The following CSGALNACT1 variants were observed in gnomAD, a reference collection of about 807,000 sequenced individuals.
CSGALNACT1 encodes the protein chondroitin sulfate N-acetylgalactosaminyltransferase 1.
A neutral mutation model predicts 51.0 loss-of-function variants in CSGALNACT1; 52 were observed. The observed-to-expected ratio is 1.02, with a 90% confidence interval of 0.82 to 1.29. CSGALNACT1 has a LOEUF of 1.29. Ranked by LOEUF, CSGALNACT1 falls within the 50% of genes most tolerant of loss-of-function variation. The probability of loss-of-function intolerance (pLI) is 0.00; values close to 1 mark genes in which losing one functional copy is unlikely to be tolerated. For missense variants in CSGALNACT1, 935 were observed against 679.2 expected, an observed-to-expected ratio of 1.38 and a Z score of -4.19; for synonymous variants, 341 against 254.4, an observed-to-expected ratio of 1.34 and a Z score of -3.24.
intron 1 of CSGALNACT1, among the ~76,000 whole-genome samples, chr8:19,716,003 C>T (rs1460107873): frequency 1.3e-5 from 2 of 152,162 alleles, no homozygotes; most frequent in Non-Finnish European, 2.9e-5. Context: ...GCTTGTCAGC[C>T]TTGTAGTAGG....
intron 1 of CSGALNACT1, among the ~76,000 whole-genome samples, chr8:19,630,520 T>C (rs35130504): frequency 0.057 from 8,664 of 151,766 alleles, 346 homozygotes; most frequent in East Asian, 0.11. Context: ...GATTCACTCT[T>C]TGTGGTATAC....
chr8:19,676,756 T>C (rs760928903), intron 1 of CSGALNACT1, among the ~76,000 whole-genome samples: 3 of 152,156 alleles, frequency 2.0e-5, no homozygotes, highest in African/African-American at 4.8e-5. Flanking sequence ...GTTTAGACAT[T>C]GGCAAGAGGA....
At chr8:19,563,050 G>C (rs2041124214) in intron 3 of CSGALNACT1, among the ~76,000 whole-genome samples, 1 of 152,180 alleles carries the variant, frequency 6.6e-6, no homozygotes, top group African/African-American at 2.4e-5. Context: ...ATGATAGACT[G>C]GATAAAGAAA....
At chr8:19,521,819 T>C (rs758108319) in intron 3 of CSGALNACT1, among the ~76,000 whole-genome samples, 28 of 152,190 alleles carry the variant, frequency 1.8e-4, no homozygotes, top group Non-Finnish European at 3.2e-4. Context: ...CCTGCAGGAA[T>C]GGAAGATAAG....
intron 6 of CSGALNACT1, among the ~76,000 whole-genome samples, chr8:19,430,801 A>T (rs2059541591): frequency 6.6e-6 from 1 of 152,172 alleles, no homozygotes; most frequent in African/African-American, 2.4e-5. Context: ...TGTCATTTGA[A>T]GAATATTAAT....
upstream of CSGALNACT1, among the ~76,000 whole-genome samples, chr8:19,687,034 T>C (rs1345137910): frequency 6.6e-6 from 1 of 152,240 alleles, no homozygotes; most frequent in Non-Finnish European, 1.5e-5. Context: ...GATCTGTTTT[T>C]CAAATGCCCT....
intron 3 of CSGALNACT1, among the ~76,000 whole-genome samples, chr8:19,546,623 A>T (rs1588137678): frequency 6.6e-6 from 1 of 152,336 alleles, no homozygotes. Flanking sequence ...CCACTCTCCC[A>T]AGTCAGTATT....
chr8:19,727,897 G>C (rs1317970738), intron 1 of CSGALNACT1, among the ~76,000 whole-genome samples: 1 of 152,198 alleles, frequency 6.6e-6, no homozygotes, highest in Non-Finnish European at 1.5e-5. Context: ...GACCACATGA[G>C]AGGGAAATAA....
chr8:19,714,364 G>A (rs377556982), intron 1 of CSGALNACT1, among the ~76,000 whole-genome samples: 1 of 151,586 alleles, frequency 6.6e-6, no homozygotes, highest in East Asian at 1.9e-4. Context: ...TATCCTGCCT[G>A]GTAACCCCCT....
chr8:19,451,860 C>T (rs950831990), intron 5 of CSGALNACT1, among the ~76,000 whole-genome samples: 2 of 152,144 alleles, frequency 1.3e-5, no homozygotes, highest in Non-Finnish European at 2.9e-5. Flanking sequence ...CCATCTGGAC[C>T]AAGATTTTCC....
intron 6 of CSGALNACT1, among the ~76,000 whole-genome samples, chr8:19,438,231 A>C (rs1238949589): frequency 6.6e-6 from 1 of 152,186 alleles, no homozygotes; most frequent in African/African-American, 2.4e-5. Context: ...TTAAGGGAGC[A>C]GCCCCCAGGT....
chr8:19,502,572 C>T (rs2076606863), intron 4 of CSGALNACT1, among the ~76,000 whole-genome samples: 2 of 152,196 alleles, frequency 1.3e-5, no homozygotes, highest in African/African-American at 4.8e-5. Flanking sequence ...TTGGAACTCT[C>T]AAAGTGTGGA....
chr8:19,564,895 G>A (rs964759112), intron 3 of CSGALNACT1, among the ~76,000 whole-genome samples: 3 of 152,168 alleles, frequency 2.0e-5, no homozygotes, highest in African/African-American at 7.2e-5. Context: ...ACAGTGCCAG[G>A]CACACAGCAG....
At chr8:19,529,310 A>G (rs1461785741) in intron 3 of CSGALNACT1, among the ~76,000 whole-genome samples, 1 of 152,178 alleles carries the variant, frequency 6.6e-6, no homozygotes, top group African/African-American at 2.4e-5. Flanking sequence ...AGTGAGCAGT[A>G]GTTGGAAGGG....
intron 5 of CSGALNACT1, among the ~76,000 whole-genome samples, chr8:19,444,531 C>A (rs2061813779): frequency 1.3e-5 from 2 of 152,166 alleles, no homozygotes; most frequent in Non-Finnish European, 2.9e-5. Context: ...TGATATTTTA[C>A]ATGTGCTTCC....
At chr8:19,729,530 T>C (rs760576628) in intron 1 of CSGALNACT1, among the ~76,000 whole-genome samples, 2 of 152,114 alleles carry the variant, frequency 1.3e-5, no homozygotes, top group Non-Finnish European at 2.9e-5. Flanking sequence ...TGGGATGCTG[T>C]AGAGAGGTTT....
intron 3 of CSGALNACT1, among the ~76,000 whole-genome samples, chr8:19,553,804 T>TA (rs2088925586): frequency 6.6e-6 from 1 of 151,542 alleles, no homozygotes; most frequent in Non-Finnish European, 1.5e-5. Flanking sequence ...TTCTGAAATG[T>TA]AATTATTGTT....
intron 1 of CSGALNACT1, among the ~76,000 whole-genome samples, chr8:19,750,194 T>G (rs1436136086): frequency 6.6e-6 from 1 of 152,240 alleles, no homozygotes; most frequent in African/African-American, 2.4e-5. Flanking sequence ...AACCTTATTC[T>G]ACACCATAGG....
At chr8:19,538,487 G>A (rs1418989685) in intron 3 of CSGALNACT1, among the ~76,000 whole-genome samples, 1 of 152,284 alleles carries the variant, frequency 6.6e-6, no homozygotes, top group Admixed American at 6.5e-5. Context: ...GAATGAGAAT[G>A]GGGGCAACAA....
Sources: allele counts gnomAD v4.1 joint callset (sites outside exome capture counted in the v4.1 genomes callset), GRCh38; gene constraint gnomAD v4.1.1; transcripts MANE v1.5; gene names NCBI Gene and HGNC (gene_info 2026-07-23, HGNC 2026-07-21).